The following TMEM144 variants were observed in gnomAD, a reference collection of about 807,000 sequenced individuals.
The protein encoded by TMEM144 is transmembrane protein 144.
A neutral mutation model predicts 43.6 loss-of-function variants in TMEM144; 39 were observed. That is an observed-to-expected ratio of 0.90 (90% CI 0.69 to 1.17). TMEM144 has a LOEUF of 1.17. Among genes scored for constraint, TMEM144 ranks in the 50% most tolerant of loss-of-function variants. The pLI is 0.00. For synonymous variants in TMEM144, 154 were observed against 133.6 expected (o/e 1.15, Z -1.06); for missense variants, 417 against 411.9 (o/e 1.01, Z -0.11).
At chr4:158,243,769 G>T (rs1201974887) in intron 11 of TMEM144, among the ~76,000 whole-genome samples, 1 of 151,820 alleles carries the variant, frequency 6.6e-6, no homozygotes, top group Non-Finnish European at 1.5e-5. Flanking sequence ...AGCATTCATT[G>T]GTGTTTAATG....
chr4:158,214,752 C>T (rs539862076), intron 3 of TMEM144, among the ~76,000 whole-genome samples: 3 of 152,154 alleles, frequency 2.0e-5, no homozygotes, highest in Non-Finnish European at 4.4e-5. Context: ...TGAAGGTTTA[C>T]TGTTGTGCTA....
In TMEM144 at chr4:158,215,285, A is replaced by AT; in HGVS notation, c.204_205insT (p.Met69TyrfsTer34). On this transcript the variant is annotated frameshift_variant, in exon 4 of 13. Transcript: ENST00000296529. LOFTEE classifies it high-confidence loss of function. ...ATTGTCCAAAGTTTTGGCCTTTTGCAATGCTTGGGGGCTGCATTTGGGCAA... is the reference window on the plus strand; with the variant it reads ...ATTGTCCAAAGTTTTGGCCTTTTGCATATGCTTGGGGGCTGCATTTGGGCAA... 6.2e-7 allele frequency: 1 copy of AT among 1,613,778 alleles called. No individual in the cohort carries two copies. Among genetic ancestry groups the AT allele is most frequent in the Non-Finnish European group, 8.5e-7 (1 of 1,179,768 alleles).
intron 6 of TMEM144, among the ~76,000 whole-genome samples, chr4:158,225,968 T>C (rs978055929): frequency 6.6e-6 from 1 of 152,244 alleles, no homozygotes; most frequent in African/African-American, 2.4e-5. Context: ...AGAGCTACCA[T>C]GCAGCCTATG....
chr4:158,214,253 C>T (rs1412977727), intron 3 of TMEM144, among the ~76,000 whole-genome samples: 1 of 152,072 alleles, frequency 6.6e-6, no homozygotes, highest in East Asian at 1.9e-4. Flanking sequence ...GTCTCGAACT[C>T]CTGAGCTCAG....
chr4:158,235,940 C>T (rs1195167830), intron 8 of TMEM144, among the ~76,000 whole-genome samples: 1 of 152,200 alleles, frequency 6.6e-6, no homozygotes, highest in Non-Finnish European at 1.5e-5. Context: ...TCCAGACATT[C>T]ATTGTCAAAT....
chr4:158,246,554 T>G (rs531572100), intron 12 of TMEM144, among the ~76,000 whole-genome samples: 1 of 152,292 alleles, frequency 6.6e-6, no homozygotes, highest in East Asian at 1.9e-4. Context: ...ATTTTTATTT[T>G]TTTTAAATAC....
intron 11 of TMEM144, among the ~76,000 whole-genome samples, chr4:158,242,865 G>T (rs904395851): frequency 7.2e-5 from 11 of 152,146 alleles, no homozygotes; most frequent in South Asian, 2.1e-4. Context: ...TACCAAAACT[G>T]TTGTATCTCC....
At chr4:158,230,538 A>G (rs772708216) in intron 6 of TMEM144, among the ~76,000 whole-genome samples, 2 of 152,202 alleles carry the variant, frequency 1.3e-5, no homozygotes, top group East Asian at 3.9e-4. Context: ...TTCGTTGTAT[A>G]ATTTTGAGAA....
chr4:158,235,554 T>G, intron 8 of TMEM144, 49 bp downstream of exon 8: 2 of 1,540,840 alleles, frequency 1.3e-6, no homozygotes, highest in Non-Finnish European at 1.8e-6. Context: ...CATATTTGGT[T>G]AAAGCAGGGA....
intron 9 of TMEM144, among the ~76,000 whole-genome samples, chr4:158,237,857 T>C (rs1694121155): frequency 6.6e-6 from 1 of 152,176 alleles, no homozygotes; most frequent in African/African-American, 2.4e-5. Flanking sequence ...GCCAGGACTC[T>C]TTTCAACTAC....
chr4:158,216,926 G>A (rs571028902), intron 4 of TMEM144, among the ~76,000 whole-genome samples: 1 of 152,192 alleles, frequency 6.6e-6, no homozygotes, highest in African/African-American at 2.4e-5. Context: ...TCATGGAAGA[G>A]CAAATTCTGG....
chr4:158,217,439 G>A lies in TMEM144; in HGVS notation c.332+19G>A. The A allele has an allele frequency of 6.5e-7, 1 of 1,529,616 alleles. No homozygotes were observed. Among genetic ancestry groups the A allele is most frequent in the Non-Finnish European group, 9.1e-7 (1 of 1,104,580 alleles). The allele number at this position is 1,529,616 out of a possible 1,614,324, so 94.8% of individuals were successfully genotyped here. ...GCTCAAGGTAATTCAAGTCAAACTA[G>A]TTCAACTAAGATTTCCTGCATCCAT... On this transcript the variant is annotated intron_variant, in intron 5 of 12. Transcript: ENST00000296529.
chr4:158,222,812 G>A (rs959454303), intron 6 of TMEM144, among the ~76,000 whole-genome samples: 7 of 152,172 alleles, frequency 4.6e-5, no homozygotes, highest in African/African-American at 7.2e-5. Context: ...TGTGATGTAC[G>A]GGATTGCAAA....
intron 9 of TMEM144, among the ~76,000 whole-genome samples, chr4:158,237,927 A>C (rs1000779995): frequency 6.6e-6 from 1 of 152,212 alleles, no homozygotes; most frequent in African/African-American, 2.4e-5. Flanking sequence ...TTTTCCAGTT[A>C]GATGATCTCT....
chr4:158,241,500 G>A lies in TMEM144; in HGVS notation c.803-9G>A, dbSNP rs557664231. On this transcript the variant is annotated splice_polypyrimidine_tract_variant and intron_variant, in intron 10 of 12. Coordinates refer to ENST00000296529, the MANE Select transcript of TMEM144 (RefSeq NM_018342.5). ...TGGTCTGCAAATGTGTGTTGTCTTT[G>A]TATTTCAGGATTCCTGTCAGGAGTA... The A allele has an allele frequency of 1.2e-6, 2 of 1,610,878 alleles. No individual in the cohort carries two copies. Among genetic ancestry groups the A allele is most frequent in the Non-Finnish European group, 8.5e-7 (1 of 1,177,282 alleles).
In TMEM144 at chr4:158,217,462, C is replaced by T. The variant is rs1457083153; in HGVS notation, c.332+42C>T. The T allele has an allele frequency of 2.9e-6, 4 of 1,369,558 alleles. No individual in the cohort carries two copies. The South Asian group carries it at 3.5e-5, about 12-fold the overall frequency. 84.8% of individuals were successfully genotyped at this position (1,369,558 alleles called of 1,614,324 possible). A position where few individuals can be genotyped will look rare whatever the true frequency, so the allele number is the denominator to read the frequency against. ...TAGTTCAACTAAGATTTCCTGCATC[C>T]ATATTCTATGTAAAGCAAGTGATTA... On this transcript the variant is annotated intron_variant, in intron 5 of 12. Transcript: ENST00000296529.
chr4:158,221,387 A>C (rs913981038), intron 6 of TMEM144, among the ~76,000 whole-genome samples: 1 of 152,164 alleles, frequency 6.6e-6, no homozygotes, highest in Non-Finnish European at 1.5e-5. Flanking sequence ...AAATGATGCA[A>C]GTGCCTCCCC....
chr4:158,253,330 A>G, intron 12 of TMEM144, 114 bp from the exon 13 acceptor site: 2 of 794,494 alleles, frequency 2.5e-6, no homozygotes, highest in South Asian at 1.8e-5. Flanking sequence ...GTAGCAAAAA[A>G]GGGTACAGGC....
chr4:158,235,503 A>G lies in TMEM144; in HGVS notation c.561A>G (p.Ile187Met). ...AACTTTCTACAGTACACCACCGCAT[A>G]GTGTAAGGAGAGGTTACTTCTTTGC... ...VDKLSTVHHR[I>M]VGCSLAVISG... The change falls in exon 8 of 13, where the codon ATA becomes ATG. Residue 187 changes from isoleucine (I) to methionine (M), a missense_variant and splice_region_variant. Coordinates refer to ENST00000296529, the MANE Select transcript of TMEM144 (RefSeq NM_018342.5). 1 of 1,611,332 alleles carries G rather than the reference A, an allele frequency of 6.2e-7. No homozygotes were observed. The highest frequency in any genetic ancestry group is 8.5e-7 in the Non-Finnish European group (1 of 1,178,418).
Sources: gnomAD v4.1 joint callset for allele counts (sites outside exome capture counted in the v4.1 genomes callset) on GRCh38, gnomAD v4.1.1 for gene constraint, MANE v1.5 for transcripts, NCBI Gene and HGNC (gene_info 2026-07-23, HGNC 2026-07-21) for gene names.